The following DCC variants were observed in gnomAD, a reference collection of about 807,000 sequenced individuals.
DCC encodes DCC netrin 1 receptor, also known as netrin receptor DCC.
DCC carries 58 observed loss-of-function variants against 172.5 expected under a neutral mutation model. The observed-to-expected ratio is 0.34, with a 90% CI of 0.27 to 0.42. The LOEUF is 0.42. Ranked by LOEUF, DCC falls within the 10% of genes least tolerant of loss-of-function variation. DCC has a pLI of 1.00. For synonymous variants in DCC, 709 were observed against 644.5 expected, an observed-to-expected ratio of 1.10 and a Z score of -1.52; for missense variants, 1,740 against 1,791.0, an observed-to-expected ratio of 0.97 and a Z score of 0.51.
intron 5 of DCC, among the ~76,000 whole-genome samples, chr18:53,024,296 G>A (rs926193684): frequency 6.6e-6 from 1 of 152,084 alleles, no homozygotes; most frequent in Non-Finnish European, 1.5e-5. Context: ...TGGGAATAGG[G>A]ACAAATGGAC....
intron 1 of DCC, among the ~76,000 whole-genome samples, chr18:52,667,402 T>C (rs1193588151): frequency 1.3e-5 from 2 of 152,246 alleles, no homozygotes; most frequent in African/African-American, 4.8e-5. Context: ...CTTCCAACCA[T>C]GACACGAGTT....
intron 13 of DCC, among the ~76,000 whole-genome samples, chr18:53,319,587 C>G (rs2057384474): frequency 6.6e-6 from 1 of 152,170 alleles, no homozygotes; most frequent in African/African-American, 2.4e-5. Flanking sequence ...CAGATTTTCA[C>G]CAGAGAAAGA....
At chr18:53,050,799 C>G (rs1452335400) in intron 5 of DCC, among the ~76,000 whole-genome samples, 2 of 152,074 alleles carry the variant, frequency 1.3e-5, no homozygotes, top group Non-Finnish European at 2.9e-5. Flanking sequence ...CAGCCAGGAC[C>G]TCCAGTACTA....
chr18:52,765,643 A>G (rs1377697688), intron 2 of DCC, among the ~76,000 whole-genome samples: 1 of 152,140 alleles, frequency 6.6e-6, no homozygotes, highest in Non-Finnish European at 1.5e-5. Flanking sequence ...AGGCTCCTAG[A>G]CAAACACGCC....
intron 1 of DCC, among the ~76,000 whole-genome samples, chr18:52,539,243 G>A (rs1254699836): frequency 6.6e-6 from 1 of 152,034 alleles, no homozygotes; most frequent in South Asian, 2.1e-4. Flanking sequence ...TCTAGGTAAA[G>A]TTCTCAGAGT....
intron 2 of DCC, among the ~76,000 whole-genome samples, chr18:52,791,446 G>T (rs113806590): frequency 6.6e-6 from 1 of 151,732 alleles, no homozygotes; most frequent in South Asian, 2.1e-4. Flanking sequence ...CAGTGGAGGC[G>T]TTCCCCCTGC....
chr18:52,446,984 T>A (rs1315095878), intron 1 of DCC, among the ~76,000 whole-genome samples: 1 of 152,244 alleles, frequency 6.6e-6, no homozygotes, highest in East Asian at 1.9e-4. Context: ...CTCAGTCCTG[T>A]CTGAGCAGTT....
intron 5 of DCC, among the ~76,000 whole-genome samples, chr18:53,015,917 A>G (rs2041802374): frequency 6.6e-6 from 1 of 152,136 alleles, no homozygotes; most frequent in African/African-American, 2.4e-5. Flanking sequence ...TGTCTCTTTA[A>G]CCAAAACATA....
intron 12 of DCC, among the ~76,000 whole-genome samples, chr18:53,265,787 G>A (rs16956448): frequency 0.052 from 7,938 of 152,226 alleles, 716 homozygotes; most frequent in African/African-American, 0.18. Flanking sequence ...CATCTTATCA[G>A]AACCAGAATT....
At chr18:52,939,085 G>T (rs1383066312) in intron 5 of DCC, among the ~76,000 whole-genome samples, 1 of 152,112 alleles carries the variant, frequency 6.6e-6, no homozygotes, top group Non-Finnish European at 1.5e-5. Flanking sequence ...ACAAACCACT[G>T]TGGGATTTGG....
At chr18:52,503,770 G>T (rs1030979620) in intron 1 of DCC, among the ~76,000 whole-genome samples, 1 of 152,042 alleles carries the variant, frequency 6.6e-6, no homozygotes, top group African/African-American at 2.4e-5. Context: ...CACCCAGGTT[G>T]GGTGTCTCAT....
chr18:53,298,959 A>G (rs1425629781), intron 12 of DCC, among the ~76,000 whole-genome samples: 1 of 152,080 alleles, frequency 6.6e-6, no homozygotes, highest in African/African-American at 2.4e-5. Context: ...TCCTTCTTTT[A>G]ACTGTGTCCC....
chr18:52,430,373 C>A (rs1223553706), intron 1 of DCC, among the ~76,000 whole-genome samples: 3 of 148,266 alleles, frequency 2.0e-5, no homozygotes, highest in Non-Finnish European at 4.5e-5. Flanking sequence ...GATGTGAATG[C>A]AACATACTTT....
chr18:52,481,203 T>C (rs912375153), intron 1 of DCC, among the ~76,000 whole-genome samples: 2 of 152,190 alleles, frequency 1.3e-5, no homozygotes, highest in South Asian at 4.1e-4. Context: ...GCTTAGGTAT[T>C]GGTTCAACCC....
At chr18:52,828,095 C>T (rs2038544662) in intron 2 of DCC, among the ~76,000 whole-genome samples, 1 of 152,086 alleles carries the variant, frequency 6.6e-6, no homozygotes, top group Admixed American at 6.6e-5. Context: ...CCCACATGCC[C>T]CATGCTAATG....
intron 9 of DCC, 133 bp from the exon 10 acceptor site, chr18:53,205,083 A>C: frequency 1.4e-6 from 1 of 702,060 alleles, no homozygotes. Flanking sequence ...TTATATTCTT[A>C]TTCCATATTA....
chr18:52,376,911 T>C (rs1484275469), intron 1 of DCC, among the ~76,000 whole-genome samples: 1 of 152,122 alleles, frequency 6.6e-6, no homozygotes, highest in Non-Finnish European at 1.5e-5. Context: ...ACGAAGTCAA[T>C]GCAAAGCCAT....
At chr18:52,977,996 T>G (rs1348188676) in intron 5 of DCC, among the ~76,000 whole-genome samples, 1 of 151,654 alleles carries the variant, frequency 6.6e-6, no homozygotes, top group East Asian at 1.9e-4. Flanking sequence ...AAAGATCAAA[T>G]CAAATTAAAT....
chr18:53,039,615 T>C (rs1054373731), intron 5 of DCC, among the ~76,000 whole-genome samples: 9 of 151,996 alleles, frequency 5.9e-5, no homozygotes, highest in African/African-American at 1.7e-4. Flanking sequence ...TTGACTCTAC[T>C]TGTCCTCTAG....
Sources: allele counts gnomAD v4.1 joint callset (sites outside exome capture counted in the v4.1 genomes callset), GRCh38; gene constraint gnomAD v4.1.1; transcripts MANE v1.5; gene names NCBI Gene and HGNC (gene_info 2026-07-23, HGNC 2026-07-21).